The following NOS1AP variants were observed in gnomAD, a reference collection of about 807,000 sequenced individuals.
NOS1AP encodes carboxyl-terminal PDZ ligand of neuronal nitric oxide synthase protein.
NOS1AP carries 21 observed loss-of-function variants against 56.2 expected under a neutral mutation model. That is an observed-to-expected ratio of 0.37 (90% CI 0.26 to 0.54). The LOEUF is 0.54. Ranked by LOEUF, NOS1AP falls within the 20% of genes least tolerant of loss-of-function variation. The pLI, the probability that NOS1AP is intolerant of heterozygous loss-of-function variation, is 0.84. For missense variants in NOS1AP, 522 were observed against 657.8 expected (o/e 0.79, Z 2.26); for synonymous variants, 270 against 274.6 (o/e 0.98, Z 0.17).
intron 2 of NOS1AP, among the ~76,000 whole-genome samples, chr1:162,250,799 G>A (rs1266230961): frequency 6.6e-6 from 1 of 152,104 alleles, no homozygotes; most frequent in Non-Finnish European, 1.5e-5. Context: ...TCCACCTATA[G>A]CTTGAGTTCT....
chr1:162,255,601 T>A (rs1350338942), intron 2 of NOS1AP, among the ~76,000 whole-genome samples: 2 of 147,192 alleles, frequency 1.4e-5, no homozygotes, highest in Non-Finnish European at 3.0e-5. Context: ...CACTGCTATG[T>A]GTAAGATGCT....
At chr1:162,243,296 C>G (rs763885178) in intron 2 of NOS1AP, among the ~76,000 whole-genome samples, 2 of 152,108 alleles carry the variant, frequency 1.3e-5, no homozygotes, top group Non-Finnish European at 2.9e-5. Context: ...GAGAGAGAAG[C>G]AGGTGAGGAA....
At chr1:162,103,337 G>A (rs1467356636) in intron 1 of NOS1AP, among the ~76,000 whole-genome samples, 1 of 152,038 alleles carries the variant, frequency 6.6e-6, no homozygotes, top group Non-Finnish European at 1.5e-5. Context: ...TTGCTGAGGA[G>A]TATTTTACTT....
chr1:162,303,968 G>C (rs1364969509), intron 4 of NOS1AP, among the ~76,000 whole-genome samples: 5 of 147,802 alleles, frequency 3.4e-5, no homozygotes, highest in Admixed American at 6.7e-5. Context: ...AATTCTGATG[G>C]AGTCCAATTT....
At chr1:162,075,471 C>A (rs1386507477) in intron 1 of NOS1AP, among the ~76,000 whole-genome samples, 1 of 152,182 alleles carries the variant, frequency 6.6e-6, no homozygotes, top group Non-Finnish European at 1.5e-5. Flanking sequence ...AAACATACGG[C>A]CATGAAGGCC....
intron 4 of NOS1AP, among the ~76,000 whole-genome samples, chr1:162,318,829 A>C (rs1390471002): frequency 4.1e-5 from 6 of 146,646 alleles, no homozygotes; most frequent in Non-Finnish European, 9.0e-5. Flanking sequence ...GAGCCACACC[A>C]CTCCTCCTCC....
chr1:162,070,303 G>T, intron 1 of NOS1AP, 21 bp downstream of exon 1: 1 of 1,594,088 alleles, frequency 6.3e-7, no homozygotes, highest in African/African-American at 1.3e-5. Flanking sequence ...TCCGGGGAGG[G>T]TGCTACCTGT....
intron 1 of NOS1AP, among the ~76,000 whole-genome samples, chr1:162,081,240 G>C (rs747215685): frequency 2.0e-5 from 3 of 152,142 alleles, no homozygotes; most frequent in Non-Finnish European, 2.9e-5. Flanking sequence ...ATAGGCAAAT[G>C]GTCTGTTAAA....
intron 8 of NOS1AP, among the ~76,000 whole-genome samples, chr1:162,359,167 A>G (rs1657804333): frequency 1.3e-5 from 2 of 152,268 alleles, no homozygotes; most frequent in Admixed American, 1.3e-4. Context: ...CCACAGGCTG[A>G]GCACCCTTAG....
Position 162,146,017 on chromosome 1 carries a change from C to T in NOS1AP, c.106-8388C>T, listed in dbSNP as rs960010562. 2.6e-5 allele frequency among the ~76,000 whole-genome samples: 4 copies of T among 152,092 alleles called. 1 individual carries two copies. The South Asian group carries it at 8.3e-4, about 32-fold the overall frequency. On this transcript the variant is annotated intron_variant, in intron 1 of 9. Coordinates refer to ENST00000361897, the MANE Select transcript of NOS1AP (RefSeq NM_014697.3). ...GTCCTCTGTAAAAGAAGGGAGTTAC[C>T]CCTGAAACTCACATGTTGTATCCTG...
rs75274657 is a variant in NOS1AP at position 162,205,036 on chromosome 1, A to G, written c.177+50560A>G. ...CACAAGCCATCTGAACTGTTTTGTA[A>G]TACTTCATTTAGCACAAAGATATTG... On this transcript the variant is annotated intron_variant, in intron 2 of 9. Transcript: ENST00000361897. Among the ~76,000 whole-genome samples the G allele has an allele frequency of 2.8e-3, 428 of 152,336 alleles. 3 individuals carry two copies. The highest frequency in any genetic ancestry group is 9.9e-3 in the African/African-American group (411 of 41,568).
chr1:162,136,913 A>G (rs1432552135), intron 1 of NOS1AP, among the ~76,000 whole-genome samples: 1 of 152,204 alleles, frequency 6.6e-6, no homozygotes, highest in Non-Finnish European at 1.5e-5. Flanking sequence ...GGTCAACCAG[A>G]GTGCAGGTCA....
At chr1:162,099,668 C>T (rs1692335288) in intron 1 of NOS1AP, among the ~76,000 whole-genome samples, 1 of 151,618 alleles carries the variant, frequency 6.6e-6, no homozygotes. Flanking sequence ...TTTTAGGGTA[C>T]ATGTGCACAA....
chr1:162,127,924 A>G lies in NOS1AP; in HGVS notation c.106-26481A>G, dbSNP rs577243953. ...GAATAAGAACAAACCTCTGCATATA[A>G]CTACAAACATTTTTACACCAAAAAA... On this transcript the variant is annotated intron_variant, in intron 1 of 9. Transcript: ENST00000361897. 2.0e-5 allele frequency among the ~76,000 whole-genome samples: 3 copies of G among 152,262 alleles called. No individual in the cohort carries two copies. In the East Asian group the frequency reaches 5.8e-4, roughly 29 times the overall value.
intron 4 of NOS1AP, among the ~76,000 whole-genome samples, chr1:162,303,614 A>C (rs1015701407): frequency 6.6e-6 from 1 of 151,778 alleles, no homozygotes; most frequent in African/African-American, 2.4e-5. Context: ...GCTAATTTTT[A>C]AATTTTTTGT....
intron 4 of NOS1AP, among the ~76,000 whole-genome samples, chr1:162,306,309 G>T (rs553053104): frequency 2.6e-5 from 4 of 152,120 alleles, no homozygotes; most frequent in Non-Finnish European, 4.4e-5. Flanking sequence ...TGTTCAGCAG[G>T]GCTAATAGTC....
intron 4 of NOS1AP, among the ~76,000 whole-genome samples, chr1:162,302,594 A>G (rs1050668232): frequency 2.0e-5 from 3 of 152,220 alleles, no homozygotes; most frequent in Non-Finnish European, 2.9e-5. Flanking sequence ...GGTTGAAAGA[A>G]AGGACTTTCC....
intron 2 of NOS1AP, among the ~76,000 whole-genome samples, chr1:162,199,646 GTGTA>G (rs57765910): frequency 0.078 from 10,580 of 135,778 alleles, 446 homozygotes; most frequent in African/African-American, 0.11. Flanking sequence ...GTGTGTCTGT[GTGTA>G]AATTCTTGCA....
intron 5 of NOS1AP, among the ~76,000 whole-genome samples, chr1:162,341,423 A>G (rs1657102275): frequency 6.6e-6 from 1 of 152,228 alleles, no homozygotes; most frequent in Non-Finnish European, 1.5e-5. Context: ...TCAGTATGAG[A>G]TATCTGGGTT....
Sources: gnomAD v4.1 joint callset for allele counts (sites outside exome capture counted in the v4.1 genomes callset) on GRCh38, gnomAD v4.1.1 for gene constraint, MANE v1.5 for transcripts, NCBI Gene and HGNC (gene_info 2026-07-23, HGNC 2026-07-21) for gene names.